Variants in ADSS1 observed in about 807,000 individuals in gnomAD.
ADSS1 encodes the protein adenylosuccinate synthetase isozyme 1.
ADSS1 carries 57 observed loss-of-function variants against 59.1 expected under a neutral mutation model. The ratio of observed to expected loss-of-function variants is 0.97; its 90% CI spans 0.78 to 1.20. ADSS1 has a LOEUF of 1.20. ADSS1 is among the 50% of genes most tolerant of loss of function. The pLI, the probability that ADSS1 is intolerant of heterozygous loss-of-function variation, is 0.00. For synonymous variants in ADSS1, 247 were observed against 249.4 expected (o/e 0.99, Z 0.09); for missense variants, 603 against 610.3 (o/e 0.99, Z 0.13).
At position 104,733,318 on chromosome 14, in the gene ADSS1, T is replaced by C. The variant is rs191554999; in HGVS notation, c.193-1702T>C. Among the ~76,000 whole-genome samples the C allele has an allele frequency of 3.8e-3, 582 of 152,318 alleles. 8 individuals are homozygous for C. Among genetic ancestry groups the C allele is most frequent in the Admixed American group, 0.033 (507 of 15,294 alleles). On this transcript the variant is annotated intron_variant, in intron 1 of 12. Transcript: ENST00000330877. ...GTCAGGGCGTGGAGGTGGGGACTCC[T>C]GCCCTGCGAAGGGGCTTCAGGGCTC...
intron 11 of ADSS1, 29 bp downstream of exon 11, chr14:104,744,938 T>G (rs1891501851): frequency 6.2e-7 from 1 of 1,603,034 alleles, no homozygotes; most frequent in Non-Finnish European, 8.5e-7. Context: ...CCGTTCTGCC[T>G]GTTGGGCCGT....
chr14:104,726,635 C>T (rs1322684049), intron 1 of ADSS1, among the ~76,000 whole-genome samples: 1 of 152,240 alleles, frequency 6.6e-6, no homozygotes, highest in African/African-American at 2.4e-5. Flanking sequence ...CTGCGTCTTT[C>T]TTACTTGGAG....
At chr14:104,725,717 G>A (rs1043716210) in intron 1 of ADSS1, among the ~76,000 whole-genome samples, 2 of 152,312 alleles carry the variant, frequency 1.3e-5, no homozygotes, top group Non-Finnish European at 1.5e-5. Context: ...CTTGTCCTGG[G>A]CCGCCAGGGG....
At chr14:104,734,119 T>C (rs1891030845) in intron 1 of ADSS1, among the ~76,000 whole-genome samples, 1 of 152,208 alleles carries the variant, frequency 6.6e-6, no homozygotes, top group Non-Finnish European at 1.5e-5. Flanking sequence ...TGCTGCCTCT[T>C]CCTCAGCTGT....
At position 104,741,072 on chromosome 14, in the gene ADSS1, G is replaced by A. The variant is rs957213258; in HGVS notation, c.667-45G>A. 9 of 1,584,584 alleles carry A rather than the reference G, an allele frequency of 5.7e-6. 1 individual carries two copies. In the South Asian group the frequency reaches 8.0e-5, roughly 14 times the overall value. ...CCTTCTTGGGACGCAGGCCTCCCCT[G>A]CCCCAGGCCACAGGCTCACTCTGCT... On this transcript the variant is annotated intron_variant, in intron 7 of 12. Coordinates refer to ENST00000330877, the MANE Select transcript of ADSS1 (RefSeq NM_152328.5).
chr14:104,724,487 TCCCCCACC>T, intron 1 of ADSS1, 25 bp downstream of exon 1: 1 of 1,154,450 alleles, frequency 8.7e-7, no homozygotes, highest in Non-Finnish European at 1.1e-6. Context: ...GCCGGGTCCC[TCCCCCACC>T]GCCCAGCGAG....
At chr14:104,737,545 C>A (rs568476826) in intron 2 of ADSS1, 1 of 152,342 alleles carries the variant, frequency 6.6e-6, no homozygotes, top group South Asian at 2.1e-4. Flanking sequence ...TGCACATCTA[C>A]GCGCAGGTTT....
chr14:104,734,987 A>G (rs762788472), intron 1 of ADSS1, 33 bp from the exon 2 acceptor site: 28 of 1,598,742 alleles, frequency 1.8e-5, no homozygotes, highest in Non-Finnish European at 2.3e-5. Flanking sequence ...TCAGTACCCA[A>G]GTGCCTTCAG....
Position 104,744,756 on chromosome 14 carries a change from A to G in ADSS1, c.1074-56A>G, listed in dbSNP as rs900864297. 6 of 1,559,026 alleles carry G rather than the reference A, an allele frequency of 3.8e-6. No individual in the cohort carries two copies. The African/African-American group carries it at 6.8e-5, about 18-fold the overall frequency. ...CGAGAGGTCAAAAGCAAGCGGAAGA[A>G]ACCCCAGCACTGCTGACCACTTCTT... On this transcript the variant is annotated intron_variant, in intron 10 of 12. Transcript: ENST00000330877.
chr14:104,746,439 G>T, intron 12 of ADSS1, 54 bp downstream of exon 12: 1 of 1,572,278 alleles, frequency 6.4e-7, no homozygotes, highest in Non-Finnish European at 8.7e-7. Flanking sequence ...GCCCCAAGGG[G>T]CCCACATCCC....
chr14:104,730,318 G>A, intron 1 of ADSS1: 2 of 1,253,892 alleles, frequency 1.6e-6, no homozygotes, highest in Non-Finnish European at 2.1e-6. Flanking sequence ...AGTGAAACCC[G>A]GTTTCTACTA....
chr14:104,728,261 G>T (rs1331282656), intron 1 of ADSS1, among the ~76,000 whole-genome samples: 1 of 152,088 alleles, frequency 6.6e-6, no homozygotes, highest in Non-Finnish European at 1.5e-5. Context: ...GAATGCCTGG[G>T]GTTGCTTCCA....
chr14:104,739,740 C>T lies in ADSS1; in HGVS notation c.410-10C>T, dbSNP rs1014988246. The T allele has an allele frequency of 1.6e-5, 26 of 1,613,706 alleles. No individual in the cohort carries two copies. The highest frequency in any genetic ancestry group is 1.5e-4 in the African/African-American group (11 of 74,930). ...TGTCTCCTGCTGCCCTCACCTGGCC[C>T]GCCCGACAGTGTTTGATTTTCACCA... On this transcript the variant is annotated splice_polypyrimidine_tract_variant and intron_variant, in intron 4 of 12. Coordinates refer to ENST00000330877, the MANE Select transcript of ADSS1 (RefSeq NM_152328.5).
At chr14:104,730,361 GCGCCTGTAGTCCCAGCTA>G in intron 1 of ADSS1, 1 of 903,574 alleles carries the variant, frequency 1.1e-6, no homozygotes, top group African/African-American at 1.7e-5. Context: ...ATGCTGGTGG[GCGCCTGTAGTCCCAGCTA>G]CTGGGGAGGG....
chr14:104,738,367 C>T lies in ADSS1; in HGVS notation c.296-9C>T, dbSNP rs779922913. 3.1e-6 allele frequency: 5 copies of T among 1,613,800 alleles called. No individual in the cohort carries two copies. The East Asian group carries it at 8.9e-5, about 29-fold the overall frequency. On this transcript the variant is annotated splice_polypyrimidine_tract_variant and intron_variant, in intron 2 of 12. Transcript: ENST00000330877. ...AACTCTGTCTCTCATGCCTCTGTCT[C>T]TCATGCAGGCAACGGGGTGGTCATC...
Position 104,724,450 on chromosome 14 carries a change from C to T in ADSS1, c.180C>T (p.Ile60=). The change falls in exon 1 of 13, where the codon ATC becomes ATT. Residue 60 remains isoleucine, a synonymous_variant. Transcript: ENST00000330877. ...TGCTGGCCACGGACGCCGACATCAT[C>T]AGCCGCTGCCAGGTGCGGGCTGGGG... ...VDLLATDADI[I]SRCQGGNNAG... 8.0e-7 allele frequency: 1 copy of T among 1,252,006 alleles called. No homozygotes were observed. 77.6% of individuals were successfully genotyped at this position (1,252,006 alleles called of 1,614,324 possible).
chr14:104,738,414 G>A lies in ADSS1; in HGVS notation c.334G>A (p.Glu112Lys), dbSNP rs1219644263. The change falls in exon 3 of 13, where the codon GAA becomes AAA. Residue 112 changes from glutamate to lysine, a missense_variant. Glu to Lys is a moderately conservative substitution (Grantham distance 56, BLOSUM62 1). Transcript: ENST00000330877. ...VVIHLPGLFE[E>K]AEKNEKKGLK... is the part of the protein sequence containing the mutation. The stretch of plus-strand genomic sequence containing the variant: ...CATCCACTTGCCAGGCTTGTTTGAG[G>A]AAGCAGAGAAGAATGAAAAGAAAGG... 1 of 1,613,872 alleles carries A rather than the reference G, an allele frequency of 6.2e-7. No individual in the cohort carries two copies. The highest frequency in any genetic ancestry group is 1.3e-5 in the African/African-American group (1 of 74,932).
At chr14:104,742,136 C>A in intron 9 of ADSS1, 134 bp downstream of exon 9, 2 of 1,317,060 alleles carry the variant, frequency 1.5e-6, no homozygotes, top group South Asian at 1.4e-5. Flanking sequence ...CCCACCAGGG[C>A]GCTTCCTGCC....
intron 1 of ADSS1, among the ~76,000 whole-genome samples, chr14:104,733,465 C>T (rs1481903716): frequency 6.6e-6 from 1 of 152,222 alleles, no homozygotes; most frequent in Non-Finnish European, 1.5e-5. Flanking sequence ...GGCGCCGGGG[C>T]TGTTTCCGTG....
Sources: gnomAD v4.1 joint callset for allele counts (sites outside exome capture counted in the v4.1 genomes callset) on GRCh38, gnomAD v4.1.1 for gene constraint, MANE v1.5 for transcripts, NCBI Gene and HGNC (gene_info 2026-07-23, HGNC 2026-07-21) for gene names.